Variants in RSAD2 observed in about 807,000 individuals in gnomAD.
The protein encoded by RSAD2 is S-adenosylmethionine-dependent nucleotide dehydratase RSAD2.
RSAD2 carries 38 observed loss-of-function variants against 37.7 expected under a neutral mutation model. The observed-to-expected ratio is 1.01, with a 90% CI of 0.78 to 1.32. The LOEUF is 1.32. RSAD2 is among the 40% of genes most tolerant of loss of function. RSAD2 has a pLI of 0.00. For synonymous variants in RSAD2, 163 were observed against 157.4 expected (o/e 1.04, Z -0.27); for missense variants, 428 against 437.5 (o/e 0.98, Z 0.19).
At position 6,890,156 on chromosome 2, in the gene RSAD2, A is replaced by G. The variant is rs1558337757; in HGVS notation, c.739-20A>G. 1 of 1,612,476 alleles carries G rather than the reference A, an allele frequency of 6.2e-7. No individual in the cohort carries two copies. On this transcript the variant is annotated intron_variant, in intron 3 of 5. Transcript: ENST00000382040. ...CGATGGAAAGCTCTCTGCAAAGCAAACACTACCATTGCCTTTCAGGTGTTC... is the reference window on the plus strand; with the variant it reads ...CGATGGAAAGCTCTCTGCAAAGCAAGCACTACCATTGCCTTTCAGGTGTTC...
At position 6,877,908 on chromosome 2, in the gene RSAD2, G is replaced by A. The variant is rs1663316492; in HGVS notation, c.108G>A (p.Arg36=). ...TGGTCCCGCTGTTCTGCTGGCTGAGGGCAACCTTCTGGCTGCTAGCTACCA... is the reference window on the plus strand; with the variant it reads ...TGGTCCCGCTGTTCTGCTGGCTGAGAGCAACCTTCTGGCTGCTAGCTACCA... The part of the protein sequence containing the change: ...RSLVPLFCWL[R]ATFWLLATKR... The change falls in exon 1 of 6, where the codon AGG becomes AGA. Residue 36 remains arginine (R), a synonymous_variant. Transcript: ENST00000382040. The A allele has an allele frequency of 6.2e-7, 1 of 1,614,072 alleles. No individual in the cohort carries two copies. The highest frequency in any genetic ancestry group is 1.1e-5 in the South Asian group (1 of 91,072).
intron 1 of RSAD2, among the ~76,000 whole-genome samples, chr2:6,869,889 G>A (rs1420635091): frequency 6.6e-6 from 1 of 152,198 alleles, no homozygotes; most frequent in African/African-American, 2.4e-5. Flanking sequence ...CACGAGTACT[G>A]TGACTTCCTG....
chr2:6,883,391 T>C lies in RSAD2; in HGVS notation c.367T>C (p.Ser123Pro), dbSNP rs1663453011. The change falls in exon 2 of 6, where the codon TCA becomes CCA. Residue 123 changes from serine (S) to proline (P), a missense_variant. Physicochemically the swap from Ser to Pro is moderately conservative, Grantham distance 74. Transcript: ENST00000382040. ...KEAGMEKINF[S>P]GGEPFLQDRG... is the part of the protein sequence containing the mutation. Reference sequence around the variant, plus strand: ...CACAGGTATGGAGAAGATCAACTTTTCAGGTGGAGAGCCATTTCTTCAAGA... The same window carrying C: ...CACAGGTATGGAGAAGATCAACTTTCCAGGTGGAGAGCCATTTCTTCAAGA... 1 of 1,614,234 alleles carries C rather than the reference T, an allele frequency of 6.2e-7. No individual in the cohort carries two copies. The highest frequency in any genetic ancestry group is 8.5e-7 in the Non-Finnish European group (1 of 1,180,038).
Position 6,865,945 on chromosome 2 carries a change from G to GC in RSAD2, c.46dup (p.Arg16ProfsTer25). On this transcript the variant is annotated frameshift_variant, in exon 1 of 6. Coordinates refer to the RSAD2 transcript ENST00000442639. LOFTEE classifies it high-confidence loss of function. ...GCCGGCGCTCGGGAGCAGACGCTTG[G>GC]CCCCGGGGCCCCAGGTGCGCGGCTC... The GC allele has an allele frequency of 7.7e-7, 1 of 1,303,948 alleles. No homozygotes were observed. The highest frequency in any genetic ancestry group is 2.2e-4 in the Middle Eastern group (1 of 4,460). 80.8% of individuals were successfully genotyped at this position (1,303,948 alleles called of 1,614,324 possible).
At chr2:6,892,951 A>G (rs889554076) in intron 4 of RSAD2, among the ~76,000 whole-genome samples, 1 of 152,230 alleles carries the variant, frequency 6.6e-6, no homozygotes, top group Non-Finnish European at 1.5e-5. Context: ...TTCTGGGTCC[A>G]TAAATTAAGT....
At chr2:6,879,113 T>C (rs1663349985) in intron 1 of RSAD2, 2 of 455,824 alleles carry the variant, frequency 4.4e-6, no homozygotes, top group African/African-American at 4.0e-5. Context: ...AATGAAATCA[T>C]ACAGTGGGTC....
rs922188636 is a variant in RSAD2, at chr2:6,866,382, GCACT to G, written c.142+345_142+348del. 3.5e-5 allele frequency: 33 copies of G among 930,486 alleles called. No individual in the cohort carries two copies. In the East Asian group the frequency reaches 2.2e-3, roughly 63 times the overall value. 57.6% of individuals were successfully genotyped at this position (930,486 alleles called of 1,614,324 possible). On this transcript the variant is annotated intron_variant, in intron 1 of 5. Transcript: ENST00000442639. ...CTCTCCTGTATCTTATCTCACCTGT[GCACT>G]CACTCACCTGTGCACACACTCACCT...
upstream of RSAD2, among the ~76,000 whole-genome samples, chr2:6,873,782 T>C (rs1328597259): frequency 2.6e-5 from 4 of 152,234 alleles, no homozygotes; most frequent in African/African-American, 7.2e-5. Flanking sequence ...GAAGAGATAC[T>C]AAATGATTAG....
Position 6,895,976 on chromosome 2 carries a change from T to G in RSAD2, c.*34T>G, listed in dbSNP as rs970313647. On this transcript the variant is annotated 3_prime_UTR_variant, in exon 6 of 6. Coordinates refer to ENST00000382040, the MANE Select transcript of RSAD2 (RefSeq NM_080657.5). ...GTGGAACGAGACTTCAACACACCAG[T>G]GGGAAAACTCCTAGAGTAACTGCCA... The G allele has an allele frequency of 1.2e-4, 197 of 1,600,084 alleles. No homozygotes were observed. The highest frequency in any genetic ancestry group is 1.6e-4 in the Non-Finnish European group (192 of 1,170,228).
chr2:6,867,340 T>C (rs997096552), intron 1 of RSAD2, among the ~76,000 whole-genome samples: 1 of 152,242 alleles, frequency 6.6e-6, no homozygotes, highest in East Asian at 1.9e-4. Context: ...CGCCTCCTTC[T>C]CTCTGTGTTC....
chr2:6,893,605 G>A, intron 4 of RSAD2, 66 bp from the exon 5 acceptor site: 2 of 1,237,168 alleles, frequency 1.6e-6, no homozygotes, highest in South Asian at 2.4e-5. Flanking sequence ...ACTACAGGTG[G>A]ACAATTGAGC....
rs147886311 is a variant in RSAD2 at position 6,883,603 on chromosome 2, C to T, written c.508+71C>T. Reference sequence around the variant, plus strand: ...TATTGTTGGTTCTTATATTTCCTTCCCTCCTGGGCCTTCAGCCAGGCCTGC... The same window carrying T: ...TATTGTTGGTTCTTATATTTCCTTCTCTCCTGGGCCTTCAGCCAGGCCTGC... On this transcript the variant is annotated intron_variant, in intron 2 of 5. Coordinates refer to ENST00000382040, the MANE Select transcript of RSAD2 (RefSeq NM_080657.5). 14,809 of 1,554,492 alleles carry T rather than the reference C, an allele frequency of 9.5e-3. 162 individuals carry two copies. The highest frequency in any genetic ancestry group is 8.8e-3 in the Non-Finnish European group (9,949 of 1,135,780).
chr2:6,887,055 G>A lies in RSAD2; in HGVS notation c.629G>A (p.Trp210Ter), dbSNP rs1292338347. 1 of 1,614,104 alleles carries A rather than the reference G, an allele frequency of 6.2e-7. No individual in the cohort carries two copies. The highest frequency in any genetic ancestry group is 8.5e-7 in the Non-Finnish European group (1 of 1,179,958). Residue 210 changes from tryptophan (W) to a stop codon, truncating the protein, a stop_gained, in exon 3 of 6, where the codon TGG becomes TAG. Coordinates refer to ENST00000382040, the MANE Select transcript of RSAD2 (RefSeq NM_080657.5). LOFTEE classifies it high-confidence loss of function. ...GAAAACCTTCAAAAGCTGAGGAGGT[G>A]GTGTAGGGATTATAGAGTCGCTTTC... ...HVENLQKLRR[W>*]CRDYRVAFKI...
chr2:6,884,286 C>G (rs778054690), intron 2 of RSAD2, among the ~76,000 whole-genome samples: 1 of 151,992 alleles, frequency 6.6e-6, no homozygotes, highest in African/African-American at 2.4e-5. Context: ...GGGGGAGGGA[C>G]GCTGTGGATG....
chr2:6,893,035 A>G (rs1663662895), intron 4 of RSAD2, among the ~76,000 whole-genome samples: 4 of 152,184 alleles, frequency 2.6e-5, no homozygotes, highest in Admixed American at 2.6e-4. Context: ...AGCACAGTTG[A>G]TTAGTTGTGA....
In RSAD2 at chr2:6,868,384, T is replaced by C. The variant is rs150395650; in HGVS notation, c.142+2339T>C. On this transcript the variant is annotated intron_variant, in intron 1 of 5. Coordinates refer to the RSAD2 transcript ENST00000442639. ...CAAATCAGAATAGGAATAAATGAGA[T>C]GATAGAACCACAAGTTCAAAAGGAT... 4.0e-3 allele frequency among the ~76,000 whole-genome samples: 602 copies of C among 152,266 alleles called. 2 individuals carry two copies. The highest frequency in any genetic ancestry group is 0.014 in the African/African-American group (561 of 41,554).
intron 1 of RSAD2, 108 bp downstream of exon 1, chr2:6,878,254 T>G: frequency 5.6e-6 from 5 of 885,056 alleles, no homozygotes; most frequent in Non-Finnish European, 8.6e-6. Context: ...CTCCAAAGCT[T>G]GAGGTCACCA....
intron 1 of RSAD2, among the ~76,000 whole-genome samples, chr2:6,882,663 CCAGA>C (rs1558335274): frequency 6.6e-6 from 1 of 152,086 alleles, no homozygotes; most frequent in Non-Finnish European, 1.5e-5. Flanking sequence ...TTCCAGGTGG[CCAGA>C]CAGTGAATAG....
intron 2 of RSAD2, 81 bp from the exon 3 acceptor site, chr2:6,886,854 T>C (rs1663531650): frequency 6.2e-6 from 6 of 965,136 alleles, no homozygotes; most frequent in Middle Eastern, 2.2e-4. Flanking sequence ...AAACAAGATA[T>C]ATTTTATCAC....
Sources: allele counts gnomAD v4.1 joint callset (sites outside exome capture counted in the v4.1 genomes callset), GRCh38; gene constraint gnomAD v4.1.1; transcripts MANE v1.5; gene names NCBI Gene and HGNC (gene_info 2026-07-23, HGNC 2026-07-21).